SPOCK3: variants seen among roughly 807,000 people sequenced by gnomAD.
SPOCK3 encodes the protein testican-3.
In SPOCK3, 30 loss-of-function variants were observed where a neutral mutation model predicts 56.6. The observed-to-expected ratio is 0.53, with a 90% CI of 0.40 to 0.72. SPOCK3 has a LOEUF of 0.72. Ranked by LOEUF, SPOCK3 falls within the 30% of genes least tolerant of loss-of-function variation. The pLI is 0.00. For synonymous variants in SPOCK3, 196 were observed against 183.3 expected, an observed-to-expected ratio of 1.07 and a Z score of -0.56; for missense variants, 527 against 530.0, an observed-to-expected ratio of 0.99 and a Z score of 0.06.
At chr4:166,860,817 G>GTGTATATA (rs1731172715) in intron 6 of SPOCK3, among the ~76,000 whole-genome samples, 1 of 31,166 alleles carries the variant, frequency 3.2e-5, no homozygotes, top group Admixed American at 3.0e-4. Context: ...ATATATATAT[G>GTGTATATA]TATATATATA....
At chr4:166,958,967 TA>T (rs1281964582) in intron 4 of SPOCK3, among the ~76,000 whole-genome samples, 1 of 152,170 alleles carries the variant, frequency 6.6e-6, no homozygotes. Context: ...GTGACAGGCT[TA>T]AAAAATGTTA....
intron 6 of SPOCK3, among the ~76,000 whole-genome samples, chr4:166,855,065 C>A (rs1039729577): frequency 6.6e-6 from 1 of 152,084 alleles, no homozygotes; most frequent in Non-Finnish European, 1.5e-5. Context: ...AATTGTTTTC[C>A]TTTTCCTTTA....
At chr4:166,814,859 A>G (rs1406352898) in intron 6 of SPOCK3, among the ~76,000 whole-genome samples, 1 of 152,074 alleles carries the variant, frequency 6.6e-6, no homozygotes, top group Non-Finnish European at 1.5e-5. Flanking sequence ...TCTAGAGAAC[A>G]CTGACTAATA....
chr4:166,966,385 C>T (rs144633756), intron 4 of SPOCK3, among the ~76,000 whole-genome samples: 2 of 152,098 alleles, frequency 1.3e-5, no homozygotes, highest in African/African-American at 2.4e-5. Flanking sequence ...TATTCTGTGA[C>T]AAAATGTGGC....
At chr4:166,776,754 G>C (rs1274443970) in intron 7 of SPOCK3, among the ~76,000 whole-genome samples, 2 of 152,128 alleles carry the variant, frequency 1.3e-5, no homozygotes, top group South Asian at 2.1e-4. Context: ...TTAGAGAAGA[G>C]AGCATTCTTT....
At chr4:166,912,209 T>C (rs4406047) in intron 5 of SPOCK3, among the ~76,000 whole-genome samples, 61,008 of 151,980 alleles carry the variant, frequency 0.4, 13,067 homozygotes, top group Non-Finnish European at 0.48. Flanking sequence ...TTTTTTCATC[T>C]GGTAAAGAGA....
At chr4:166,844,847 A>G (rs1334290407) in intron 6 of SPOCK3, among the ~76,000 whole-genome samples, 2 of 152,220 alleles carry the variant, frequency 1.3e-5, no homozygotes, top group African/African-American at 4.8e-5. Flanking sequence ...TGTATATACA[A>G]TGAGTAACTA....
chr4:166,840,773 T>TTTG (rs1747172383), intron 6 of SPOCK3, among the ~76,000 whole-genome samples: 1 of 57,324 alleles, frequency 1.7e-5, no homozygotes, highest in African/African-American at 3.8e-5. Context: ...AAGCAAAAGT[T>TTTG]TTTTTTTTTT....
rs1467890693 is a variant in SPOCK3, at chr4:166,959,830, G to T, written c.350+40519C>A. On this transcript the variant is annotated intron_variant, in intron 4 of 10. Coordinates refer to ENST00000357545, the MANE Select transcript of SPOCK3 (RefSeq NM_001040159.2). The stretch of plus-strand genomic sequence containing the variant: ...GCACCATATATAATATATGACAAAA[G>T]AATAAAGGAAATATTCACAATAAGT... 2.0e-5 allele frequency among the ~76,000 whole-genome samples: 3 copies of T among 152,030 alleles called. No homozygotes were observed. In the Middle Eastern group the frequency reaches 0.01, roughly 521 times the overall value.
intron 3 of SPOCK3, among the ~76,000 whole-genome samples, chr4:167,043,406 T>C (rs7666479): frequency 3.3e-5 from 5 of 152,132 alleles, no homozygotes; most frequent in Middle Eastern, 3.4e-3. Flanking sequence ...GGGAACAAAA[T>C]CAGTTTTATT....
chr4:166,813,575 C>T (rs377507944), intron 6 of SPOCK3, among the ~76,000 whole-genome samples: 29 of 144,568 alleles, frequency 2.0e-4, no homozygotes, highest in South Asian at 2.0e-3. Flanking sequence ...GTAATAATTA[C>T]ATATTTTTAT....
chr4:166,766,299 A>G (rs376721215), intron 7 of SPOCK3, among the ~76,000 whole-genome samples: 1 of 152,148 alleles, frequency 6.6e-6, no homozygotes, highest in Non-Finnish European at 1.5e-5. Flanking sequence ...GTTTATGTCC[A>G]TTCAGTATGA....
intron 6 of SPOCK3, among the ~76,000 whole-genome samples, chr4:166,843,005 C>T (rs528835372): frequency 4.6e-5 from 7 of 152,328 alleles, no homozygotes; most frequent in South Asian, 4.1e-4. Flanking sequence ...AGAATTCGAG[C>T]GTGTCCCCAG....
chr4:166,774,893 T>G (rs1290588834), intron 7 of SPOCK3, among the ~76,000 whole-genome samples: 2 of 152,184 alleles, frequency 1.3e-5, no homozygotes, highest in African/African-American at 4.8e-5. Flanking sequence ...CTCTTTTAGA[T>G]TTTCCTTTTG....
At chr4:167,075,404 A>C (rs1330200012) in intron 2 of SPOCK3, among the ~76,000 whole-genome samples, 1 of 151,928 alleles carries the variant, frequency 6.6e-6, no homozygotes, top group African/African-American at 2.4e-5. Context: ...TCTGTGGACC[A>C]TTCTTTGAGC....
rs1732436989 is a variant in SPOCK3, at chr4:167,191,102, A to T, written c.189+42883T>A. 1.4e-5 allele frequency among the ~76,000 whole-genome samples: 2 copies of T among 145,744 alleles called. 1 individual carries two copies. The highest frequency in any genetic ancestry group is 5.2e-5 in the African/African-American group (2 of 38,256). On this transcript the variant is annotated intron_variant, in intron 2 of 10. Transcript: ENST00000357545. The stretch of plus-strand genomic sequence containing the variant: ...CTTCTTTCTAATCACTATTTTGGCT[A>T]TTCAGGGTCTTTTGTGGTTTCATAC...
chr4:166,841,789 A>C (rs79683184), intron 6 of SPOCK3, among the ~76,000 whole-genome samples: 11,464 of 152,272 alleles, frequency 0.075, 725 homozygotes, highest in East Asian at 0.28. Context: ...CTTCTTGAGT[A>C]CGAGCAACAT....
At chr4:167,164,904 G>T (rs886264039) in intron 2 of SPOCK3, among the ~76,000 whole-genome samples, 1 of 152,068 alleles carries the variant, frequency 6.6e-6, no homozygotes, top group African/African-American at 2.4e-5. Context: ...AAACATAAGT[G>T]TGCATGTGTC....
At chr4:166,973,519 G>A (rs184235182) in intron 4 of SPOCK3, among the ~76,000 whole-genome samples, 11 of 151,968 alleles carry the variant, frequency 7.2e-5, no homozygotes, top group Non-Finnish European at 1.2e-4. Context: ...GGTTATTGTC[G>A]CTGAAACCAG....
Sources: gnomAD v4.1 joint callset for allele counts (sites outside exome capture counted in the v4.1 genomes callset) on GRCh38, gnomAD v4.1.1 for gene constraint, MANE v1.5 for transcripts, NCBI Gene and HGNC (gene_info 2026-07-23, HGNC 2026-07-21) for gene names.